Variants in C6orf163 observed in about 807,000 individuals in gnomAD.
C6orf163 encodes uncharacterized protein C6orf163.
A neutral mutation model predicts 28.4 loss-of-function variants in C6orf163; 22 were observed. The ratio of observed to expected loss-of-function variants is 0.78; its 90% CI spans 0.55 to 1.11. The LOEUF is 1.11. C6orf163 is among the 50% of genes least tolerant of loss of function. The pLI is 0.00. For synonymous variants in C6orf163, 110 were observed against 123.6 expected, an observed-to-expected ratio of 0.89 and a Z score of 0.73; for missense variants, 342 against 389.1, an observed-to-expected ratio of 0.88 and a Z score of 1.02.
intron 3 of C6orf163, among the ~76,000 whole-genome samples, chr6:87,353,300 G>A (rs1388030829): frequency 6.6e-6 from 1 of 152,060 alleles, no homozygotes; most frequent in Non-Finnish European, 1.5e-5. Context: ...ATTTAAAAAT[G>A]ACTGAAAGAG....
intron 4 of C6orf163, 25 bp downstream of exon 4, chr6:87,356,528 A>G: frequency 6.5e-7 from 1 of 1,545,388 alleles, no homozygotes; most frequent in Non-Finnish European, 8.8e-7. Context: ...TCATTTACAA[A>G]TTAGTAACTT....
intron 4 of C6orf163, among the ~76,000 whole-genome samples, chr6:87,360,004 T>C (rs1039844396): frequency 6.6e-6 from 1 of 152,200 alleles, no homozygotes; most frequent in Non-Finnish European, 1.5e-5. Context: ...GTGAGCCTCC[T>C]TGATGTCACT....
At chr6:87,360,774 T>A (rs1009826239) in intron 4 of C6orf163, among the ~76,000 whole-genome samples, 29 of 152,216 alleles carry the variant, frequency 1.9e-4, no homozygotes, top group African/African-American at 6.0e-4. Flanking sequence ...CAGCACAACA[T>A]GTATTAGAGA....
intron 1 of C6orf163, among the ~76,000 whole-genome samples, chr6:87,346,016 A>G (rs1420172551): frequency 6.6e-6 from 1 of 150,420 alleles, no homozygotes; most frequent in Non-Finnish European, 1.5e-5. Flanking sequence ...AAAAGTAGAT[A>G]CATATAGATA....
At chr6:87,352,798 G>C (rs994218529) in intron 3 of C6orf163, among the ~76,000 whole-genome samples, 1 of 152,090 alleles carries the variant, frequency 6.6e-6, no homozygotes, top group Admixed American at 6.5e-5. Flanking sequence ...TGCCCATAAG[G>C]TACAGGCAAA....
chr6:87,361,346 G>A (rs571415496), intron 4 of C6orf163, among the ~76,000 whole-genome samples: 95 of 152,214 alleles, frequency 6.2e-4, no homozygotes, highest in Non-Finnish European at 1.2e-3. Flanking sequence ...GATTCTGTTA[G>A]CAGTAAGAGA....
chr6:87,350,464 T>A lies in C6orf163; in HGVS notation c.314T>A (p.Ile105Asn), dbSNP rs1456313870. 1 of 1,535,450 alleles carries A rather than the reference T, an allele frequency of 6.5e-7. No homozygotes were observed. Among genetic ancestry groups the A allele is most frequent in the Non-Finnish European group, 8.7e-7 (1 of 1,145,790 alleles). The change falls in exon 3 of 5, where the codon ATT becomes AAT. Residue 105 changes from isoleucine to asparagine, a missense_variant. By Grantham distance (149) the Ile-to-Asn change is moderately radical. Coordinates refer to ENST00000388923, the MANE Select transcript of C6orf163 (RefSeq NM_001010868.3). ...GCAAATGACAGACACAAAATTGAAA[T>A]TCAGATTTTGAAAGAGGAACATCAG... ...EEANDRHKIE[I>N]QILKEEHQKD...
At chr6:87,350,728 G>A (rs1043531843) in intron 3 of C6orf163, among the ~76,000 whole-genome samples, 1 of 152,148 alleles carries the variant, frequency 6.6e-6, no homozygotes, top group Non-Finnish European at 1.5e-5. Flanking sequence ...AGCTTTGCCT[G>A]ACCAACCTTG....
At chr6:87,360,398 AT>A (rs10625675) in intron 4 of C6orf163, among the ~76,000 whole-genome samples, 4,116 of 138,076 alleles carry the variant, frequency 0.03, 185 homozygotes, top group African/African-American at 0.1. Flanking sequence ...TTAAGCATGA[AT>A]TTTTTTTTTT....
intron 4 of C6orf163, chr6:87,357,898 G>A (rs574153927): frequency 6.6e-6 from 1 of 152,316 alleles, no homozygotes; most frequent in Non-Finnish European, 1.5e-5. Context: ...ACTGCCATGT[G>A]TACTGTTAAA....
intron 4 of C6orf163, chr6:87,358,592 G>A (rs1347012534): frequency 7.0e-6 from 1 of 143,294 alleles, no homozygotes; most frequent in Non-Finnish European, 1.5e-5. Context: ...GGGCGACAGA[G>A]CGAGACTTGT....
At chr6:87,360,124 C>T (rs1436027330) in intron 4 of C6orf163, among the ~76,000 whole-genome samples, 1 of 152,180 alleles carries the variant, frequency 6.6e-6, no homozygotes, top group Non-Finnish European at 1.5e-5. Flanking sequence ...TGGCCCTGCT[C>T]CTCCTCTGTG....
At position 87,356,318 on chromosome 6, in the gene C6orf163, T is replaced by A; in HGVS notation, c.369T>A (p.Thr123=). 6.4e-7 allele frequency: 1 copy of A among 1,551,672 alleles called. No homozygotes were observed. Among genetic ancestry groups the A allele is most frequent in the South Asian group, 1.2e-5 (1 of 84,060 alleles). The change falls in exon 4 of 5, where the codon ACT becomes ACA. Residue 123 remains threonine, a synonymous_variant. Transcript: ENST00000388923. ...QKDLQEVTAK[T]KTEMYQNMDD... Reference sequence around the variant, plus strand: ...TGCTTCAGGAAGTGACAGCTAAAACTAAGACAGAGATGTATCAAAACATGG... The same window carrying A: ...TGCTTCAGGAAGTGACAGCTAAAACAAAGACAGAGATGTATCAAAACATGG...
chr6:87,356,085 G>T, intron 3 of C6orf163: 5 of 506,790 alleles, frequency 9.9e-6, no homozygotes, highest in Non-Finnish European at 1.8e-5. Flanking sequence ...TATTATCTAC[G>T]TAGATATTTA....
chr6:87,349,617 ATGTT>A (rs1484499550), intron 2 of C6orf163, among the ~76,000 whole-genome samples: 1 of 152,212 alleles, frequency 6.6e-6, no homozygotes, highest in African/African-American at 2.4e-5. Context: ...GCTTAGAAAA[ATGTT>A]TGTCAGTTTC....
At position 87,350,521 on chromosome 6, in the gene C6orf163, T is replaced by C; in HGVS notation, c.351+20T>C. On this transcript the variant is annotated intron_variant, in intron 3 of 4. Coordinates refer to ENST00000388923, the MANE Select transcript of C6orf163 (RefSeq NM_001010868.3). ...TTACAGGTTTTTATAGTGGCTTATTTGTTGTCTTTTAAAAGTAATTACATT... is the reference window on the plus strand; with the variant it reads ...TTACAGGTTTTTATAGTGGCTTATTCGTTGTCTTTTAAAAGTAATTACATT... 7.4e-7 allele frequency: 1 copy of C among 1,351,090 alleles called. No individual in the cohort carries two copies. The highest frequency in any genetic ancestry group is 1.0e-6 in the Non-Finnish European group (1 of 991,084). 83.7% of individuals were successfully genotyped at this position (1,351,090 alleles called of 1,614,324 possible). A position where few individuals can be genotyped will look rare whatever the true frequency, so the allele number is the denominator to read the frequency against.
Position 87,344,959 on chromosome 6 carries a change from A to G in C6orf163, c.-141A>G. ...CACAGCCTAATCACTTGAACCATTT[A>G]ATCCTTACCAGCCTCTAGCATTATC... On this transcript the variant is annotated 5_prime_UTR_variant, in exon 1 of 5. Coordinates refer to ENST00000388923, the MANE Select transcript of C6orf163 (RefSeq NM_001010868.3). 1.5e-6 allele frequency: 1 copy of G among 650,022 alleles called. No homozygotes were observed. The highest frequency in any genetic ancestry group is 2.6e-6 in the Non-Finnish European group (1 of 389,126). The allele number at this position is 650,022 out of a possible 1,614,324, so 40.3% of individuals were successfully genotyped here. A position where few individuals can be genotyped will look rare whatever the true frequency, so the allele number is the denominator to read the frequency against.
chr6:87,355,657 T>C (rs1019514348), intron 3 of C6orf163, among the ~76,000 whole-genome samples: 1 of 152,238 alleles, frequency 6.6e-6, no homozygotes, highest in Non-Finnish European at 1.5e-5. Context: ...CATATTGTTA[T>C]ATTTCTGTAA....
intron 4 of C6orf163, among the ~76,000 whole-genome samples, chr6:87,363,428 G>T (rs1777606214): frequency 6.6e-6 from 1 of 151,126 alleles, no homozygotes; most frequent in Non-Finnish European, 1.5e-5. Flanking sequence ...CATGTGCCAT[G>T]CTGGTGTGCT....
Sources: gnomAD v4.1 joint callset for allele counts (sites outside exome capture counted in the v4.1 genomes callset) on GRCh38, gnomAD v4.1.1 for gene constraint, MANE v1.5 for transcripts, NCBI Gene and HGNC (gene_info 2026-07-23, HGNC 2026-07-21) for gene names.